Variants in MYCL observed in about 807,000 individuals in gnomAD.
The protein encoded by MYCL is MYCL proto-oncogene, bHLH transcription factor, also known as protein L-Myc.
MYCL carries 11 observed loss-of-function variants against 31.0 expected under a neutral mutation model. The ratio of observed to expected loss-of-function variants is 0.35; its 90% CI spans 0.22 to 0.59. MYCL has a LOEUF of 0.59. MYCL is among the 20% of genes least tolerant of loss of function. The pLI, the probability that MYCL is intolerant of heterozygous loss-of-function variation, is 0.79. For missense variants in MYCL, 427 were observed against 486.1 expected (o/e 0.88, Z 1.14); for synonymous variants, 208 against 202.4 (o/e 1.03, Z -0.23).
Position 39,897,933 on chromosome 1 carries a change from C to A in MYCL, c.534G>T (p.Arg178Ser). 1.2e-6 allele frequency: 2 copies of A among 1,614,062 alleles called. No individual in the cohort carries two copies. The highest frequency in any genetic ancestry group is 3.3e-4 in the Middle Eastern group (2 of 6,062). ...CCGGCTTCCGAATACCCAGAGACTG[C>A]CTCTTCTCTACTGTCACAACATCAA... ...EEIDVVTVEK[R>S]QSLGIRKPVT... The change falls in exon 2 of 2, where the codon AGG becomes AGT. Residue 178 changes from arginine (R) to serine (S), a missense_variant. Transcript: ENST00000372816. This position sits in a 1 kb window ranked among gnomAD's most constrained non-coding sequence, Gnocchi z 4.3.
chr1:39,899,151 T>C, intron 1 of MYCL: 1 of 884,512 alleles, frequency 1.1e-6, no homozygotes, highest in Non-Finnish European at 1.4e-6. Flanking sequence ...ACCCAGCCCC[T>C]AGCCCCTATT....
Position 39,897,436 on chromosome 1 carries a change from T to C in MYCL, c.1031A>G (p.Lys344Arg). Residue 344 changes from lysine (K) to arginine (R), a missense_variant, in exon 2 of 2, where the codon AAA (lysine) becomes AGA (arginine). Transcript: ENST00000372816. The surrounding 1 kb of genome is among the most constrained non-coding windows in gnomAD (Gnocchi z 4.3). ...CTGCTGCCGGCATCGGAGCTGTCTTTTCTCTGTAGCCATCCTCTTCTCAGC... is the reference window on the plus strand; with the variant it reads ...CTGCTGCCGGCATCGGAGCTGTCTTCTCTCTGTAGCCATCCTCTTCTCAGC... ...VGAEKRMATEKRQLRCRQQQL... is the reference protein window; with the variant it reads ...VGAEKRMATERRQLRCRQQQL... The C allele has an allele frequency of 6.2e-7, 1 of 1,613,610 alleles. No homozygotes were observed. Among genetic ancestry groups the C allele is most frequent in the Non-Finnish European group, 8.5e-7 (1 of 1,179,514 alleles).
chr1:39,899,262 G>C (rs1484830064), intron 1 of MYCL, among the ~76,000 whole-genome samples: 3 of 152,174 alleles, frequency 2.0e-5, no homozygotes, highest in African/African-American at 7.2e-5. Flanking sequence ...TGAACTAGAA[G>C]CTCACAAACA....
rs369326949 is a variant in MYCL at position 39,901,298 on chromosome 1, C to A, written c.137G>T (p.Gly46Val). Residue 46 changes from glycine (G) to valine (V), a missense_variant, in exon 1 of 2, where the codon GGC (glycine) becomes GTC (valine). Transcript: ENST00000372816. This position sits in a 1 kb window ranked among gnomAD's most constrained non-coding sequence, Gnocchi z 6.9. Reference sequence around the variant, plus strand: ...CGGGTCCCCTGCGCCGGGACCCAAGCCCCAGGGCGGCGACGTGGGGGGCGA... The same window carrying A: ...CGGGTCCCCTGCGCCGGGACCCAAGACCCAGGGCGGCGACGTGGGGGGCGA... ...VPSPPTSPPW[G>V]LGPGAGDPAP... is the part of the protein sequence containing the mutation. 1 of 1,602,146 alleles carries A rather than the reference C, an allele frequency of 6.2e-7. No homozygotes were observed. The highest frequency in any genetic ancestry group is 8.5e-7 in the Non-Finnish European group (1 of 1,175,008).
Position 39,901,842 on chromosome 1 carries a change from G to A in MYCL, c.-408C>T, listed in dbSNP as rs1644544411. ...GCCGCCCGCCACCTGGAGCGGACCG[G>A]CTCCCCGCCGGCTCGGGGCAGCCCG... On this transcript the variant is annotated 5_prime_UTR_variant, in exon 1 of 2. Transcript: ENST00000372816. The surrounding 1 kb of genome is among the most constrained non-coding windows in gnomAD (Gnocchi z 6.9). 5 of 1,259,548 alleles carry A rather than the reference G, an allele frequency of 4.0e-6. No individual in the cohort carries two copies. The highest frequency in any genetic ancestry group is 1.9e-5 in the South Asian group (1 of 51,952). 78.0% of individuals were successfully genotyped at this position (1,259,548 alleles called of 1,614,324 possible). A position where few individuals can be genotyped will look rare whatever the true frequency, so the allele number is the denominator to read the frequency against.
chr1:39,901,866 C>A lies in MYCL; in HGVS notation c.-432G>T. 4.9e-6 allele frequency: 6 copies of A among 1,225,000 alleles called. No individual in the cohort carries two copies. Among genetic ancestry groups the A allele is most frequent in the Non-Finnish European group, 4.1e-6 (4 of 976,508 alleles). The allele number at this position is 1,225,000 out of a possible 1,614,324, so 75.9% of individuals were successfully genotyped here. ...GGCTCCCCGCCGGCTCGGGGCAGCC[C>A]GGCAGCCAGCACACACGCACATGCG... On this transcript the variant is annotated 5_prime_UTR_variant, in exon 1 of 2. Transcript: ENST00000372816. This position sits in a 1 kb window ranked among gnomAD's most constrained non-coding sequence, Gnocchi z 6.9.
Position 39,901,848 on chromosome 1 carries a change from CG to C in MYCL, c.-415del. On this transcript the variant is annotated 5_prime_UTR_variant, in exon 1 of 2. An upstream open reading frame in the 5' UTR gains an earlier in-frame stop. Transcript: ENST00000372816. The surrounding 1 kb of genome is among the most constrained non-coding windows in gnomAD (Gnocchi z 6.9). ...CGCCACCTGGAGCGGACCGGCTCCC[CG>C]CCGGCTCGGGGCAGCCCGGCAGCCA... The C allele has an allele frequency of 8.0e-7, 1 of 1,254,922 alleles. No individual in the cohort carries two copies. The highest frequency in any genetic ancestry group is 1.0e-6 in the Non-Finnish European group (1 of 990,008). The allele number at this position is 1,254,922 out of a possible 1,614,324, so 77.7% of individuals were successfully genotyped here.
rs1644543910 is a variant in MYCL at position 39,901,816 on chromosome 1, A to G, written c.-382T>C. 2 of 1,276,896 alleles carry G rather than the reference A, an allele frequency of 1.6e-6. No homozygotes were observed. Among genetic ancestry groups the G allele is most frequent in the Non-Finnish European group, 1.0e-6 (1 of 1,000,478 alleles). 79.1% of individuals were successfully genotyped at this position (1,276,896 alleles called of 1,614,324 possible). A position where few individuals can be genotyped will look rare whatever the true frequency, so the allele number is the denominator to read the frequency against. ...GCCACCCGCAGCCTCACCTCGCTCC[A>G]GCCGCCCGCCACCTGGAGCGGACCG... is the stretch of plus-strand genomic sequence containing the variant. On this transcript the variant is annotated 5_prime_UTR_variant, in exon 1 of 2. Transcript: ENST00000372816. This position sits in a 1 kb window ranked among gnomAD's most constrained non-coding sequence, Gnocchi z 6.9.
chr1:39,900,598 T>A (rs1430386568), intron 1 of MYCL: 7 of 1,227,684 alleles, frequency 5.7e-6, no homozygotes, highest in Non-Finnish European at 7.1e-6. Flanking sequence ...GCAAAAAAAC[T>A]TCAGGTTTGG....
Position 39,897,426 on chromosome 1 carries a change from G to A in MYCL, c.1041C>T (p.Leu347=). ...TCTGCAACTGCTGCTGCCGGCATCGGAGCTGTCTTTTCTCTGTAGCCATCC... is the reference window on the plus strand; with the variant it reads ...TCTGCAACTGCTGCTGCCGGCATCGAAGCTGTCTTTTCTCTGTAGCCATCC... ...EKRMATEKRQ[L]RCRQQQLQKR... is the part of the protein sequence containing the mutation. Residue 347 remains leucine, a synonymous_variant, in exon 2 of 2, where the codon CTC becomes CTT. Transcript: ENST00000372816. The surrounding 1 kb of genome is among the most constrained non-coding windows in gnomAD (Gnocchi z 4.3). 1 of 1,612,414 alleles carries A rather than the reference G, an allele frequency of 6.2e-7. No homozygotes were observed. The highest frequency in any genetic ancestry group is 8.5e-7 in the Non-Finnish European group (1 of 1,178,598).
In MYCL at chr1:39,901,896, G is replaced by A. The variant is rs1231765097; in HGVS notation, c.-462C>T. On this transcript the variant is annotated 5_prime_UTR_variant, in exon 1 of 2. Transcript: ENST00000372816. The surrounding 1 kb of genome is among the most constrained non-coding windows in gnomAD (Gnocchi z 6.9). ...GCCAGCACACACGCACATGCGCGCCGCCGAGAGCGCGGCCCGCACTCACAA... is the reference window on the plus strand; with the variant it reads ...GCCAGCACACACGCACATGCGCGCCACCGAGAGCGCGGCCCGCACTCACAA... The A allele has an allele frequency of 6.9e-6, 8 of 1,151,122 alleles. No homozygotes were observed. The highest frequency in any genetic ancestry group is 1.6e-5 in the African/African-American group (1 of 61,024). The allele number at this position is 1,151,122 out of a possible 1,614,324, so 71.3% of individuals were successfully genotyped here. A position where few individuals can be genotyped will look rare whatever the true frequency, so the allele number is the denominator to read the frequency against.
At chr1:39,900,531 G>A (rs1229635797) in intron 1 of MYCL, 1 of 1,132,226 alleles carries the variant, frequency 8.8e-7, no homozygotes, top group East Asian at 4.5e-5. Flanking sequence ...TGCACAAAAG[G>A]CTCTCGGCTT....
rs1644540147 is a variant in MYCL at position 39,901,509 on chromosome 1, C to T, written c.-75G>A. 2.6e-6 allele frequency: 4 copies of T among 1,554,056 alleles called. No individual in the cohort carries two copies. The highest frequency in any genetic ancestry group is 2.6e-6 in the Non-Finnish European group (3 of 1,160,748). On this transcript the variant is annotated 5_prime_UTR_variant, in exon 1 of 2. Coordinates refer to ENST00000372816, the MANE Select transcript of MYCL (RefSeq NM_001033081.3). This position sits in a 1 kb window ranked among gnomAD's most constrained non-coding sequence, Gnocchi z 6.9. ...CGGGCGAAGGAGGTGTCCCCGGGTC[C>T]CTCGGCACAGTCGGCTGCCGGGCTC...
chr1:39,899,901 A>T, intron 1 of MYCL: 1 of 985,406 alleles, frequency 1.0e-6, no homozygotes, highest in Non-Finnish European at 1.2e-6. Flanking sequence ...CACAGTCTAC[A>T]CTCTACAAAA....
intron 1 of MYCL, chr1:39,898,530 G>T (rs1462651970): frequency 5.1e-6 from 2 of 391,214 alleles, no homozygotes; most frequent in African/African-American, 2.2e-5. Flanking sequence ...AGAAGGGAGG[G>T]CTACAACCCA....
intron 1 of MYCL, chr1:39,899,041 G>A: frequency 4.1e-6 from 4 of 985,438 alleles, no homozygotes; most frequent in Non-Finnish European, 4.8e-6. Context: ...CCATTGTGTG[G>A]ACAATCGCAT....
chr1:39,898,193 A>G, intron 1 of MYCL: 3 of 640,738 alleles, frequency 4.7e-6, no homozygotes, highest in South Asian at 2.4e-5. Context: ...AATATTCTCC[A>G]ATTTCCTTTT....
At position 39,901,124 on chromosome 1, in the gene MYCL, C is replaced by A; in HGVS notation, c.311G>T (p.Arg104Leu). Residue 104 changes from arginine to leucine, a missense_variant, in exon 1 of 2, where the codon CGG becomes CTG. Arg to Leu is a moderately radical substitution (Grantham distance 102). Coordinates refer to ENST00000372816, the MANE Select transcript of MYCL (RefSeq NM_001033081.3). This position sits in a 1 kb window ranked among gnomAD's most constrained non-coding sequence, Gnocchi z 6.9. ...CMWSGFSARERLERAVSDRLA... is the reference protein window; with the variant it reads ...CMWSGFSARELLERAVSDRLA... Reference sequence around the variant, plus strand: ...CCGGTCGCTCACAGCTCTCTCCAGCCGTTCCCGGGCCGAGAAGCCGCTCCA... The same window carrying A: ...CCGGTCGCTCACAGCTCTCTCCAGCAGTTCCCGGGCCGAGAAGCCGCTCCA... The A allele has an allele frequency of 1.2e-6, 2 of 1,605,264 alleles. No individual in the cohort carries two copies. The highest frequency in any genetic ancestry group is 1.7e-6 in the Non-Finnish European group (2 of 1,176,446).
chr1:39,901,357 G>A lies in MYCL; in HGVS notation c.78C>T (p.Ser26=). ...GEDFYRSTAP[S]EDIWKKFELV... ...GCTCGAATTTCTTCCAGATGTCCTC[G>A]CTGGGCGCCGTGGAGCGGTAGAAAT... The change falls in exon 1 of 2, where the codon AGC becomes AGT. Residue 26 remains serine, a synonymous_variant. Coordinates refer to ENST00000372816, the MANE Select transcript of MYCL (RefSeq NM_001033081.3). The surrounding 1 kb of genome is among the most constrained non-coding windows in gnomAD (Gnocchi z 6.9). 6.2e-7 allele frequency: 1 copy of A among 1,611,096 alleles called. No individual in the cohort carries two copies. The highest frequency in any genetic ancestry group is 8.5e-7 in the Non-Finnish European group (1 of 1,179,034).
Sources: allele counts gnomAD v4.1 joint callset (sites outside exome capture counted in the v4.1 genomes callset), GRCh38; gene constraint gnomAD v4.1.1; non-coding constraint Gnocchi (gnomAD v3.1); transcripts MANE v1.5; gene names NCBI Gene and HGNC (gene_info 2026-07-23, HGNC 2026-07-21).